GTF2F2: variants seen among roughly 807,000 people sequenced by gnomAD.
GTF2F2 encodes general transcription factor IIF subunit 2.
In GTF2F2, 23 loss-of-function variants were observed where a neutral mutation model predicts 42.2. That is an observed-to-expected ratio of 0.55 (90% CI 0.39 to 0.77). The LOEUF (loss-of-function observed/expected upper bound fraction) is 0.77, where lower values mean the gene tolerates loss of function less well. Ranked by LOEUF, GTF2F2 falls within the 30% of genes least tolerant of loss-of-function variation. The pLI, the probability that GTF2F2 is intolerant of heterozygous loss-of-function variation, is 0.00. For synonymous variants in GTF2F2, 105 were observed against 100.8 expected (o/e 1.04, Z -0.25); for missense variants, 261 against 287.2 (o/e 0.91, Z 0.66).
chr13:45,132,433 G>GGT (rs1555263621), intron 1 of GTF2F2, among the ~76,000 whole-genome samples: 149 of 143,778 alleles, frequency 1.0e-3, no homozygotes, highest in Non-Finnish European at 1.7e-3. Context: ...TGTCATTAGT[G>GGT]TTTTTTTTTT....
At chr13:45,234,295 A>G (rs561622486) in intron 5 of GTF2F2, among the ~76,000 whole-genome samples, 146 of 152,340 alleles carry the variant, frequency 9.6e-4, no homozygotes, top group Non-Finnish European at 1.9e-3. Context: ...TTTTTATAGG[A>G]TATAAAATAA....
chr13:45,246,201 C>T (rs1226757455), intron 5 of GTF2F2, among the ~76,000 whole-genome samples: 9 of 151,446 alleles, frequency 5.9e-5, no homozygotes, highest in Admixed American at 4.6e-4. Context: ...TTAGTAGAGA[C>T]GGGGTTTCAT....
At chr13:45,125,295 G>C (rs971373128) in intron 1 of GTF2F2, among the ~76,000 whole-genome samples, 1 of 151,704 alleles carries the variant, frequency 6.6e-6, no homozygotes, top group Non-Finnish European at 1.5e-5. Context: ...TCCCCTTTGC[G>C]TCTCTCTGTT....
intron 5 of GTF2F2, among the ~76,000 whole-genome samples, chr13:45,224,963 A>G (rs1207240071): frequency 6.6e-6 from 1 of 152,216 alleles, no homozygotes; most frequent in Non-Finnish European, 1.5e-5. Context: ...TAAGAAAGAC[A>G]GGATTTCTGT....
At chr13:45,257,727 A>T (rs1437476465) in intron 6 of GTF2F2, among the ~76,000 whole-genome samples, 4 of 152,178 alleles carry the variant, frequency 2.6e-5, no homozygotes, top group Non-Finnish European at 5.9e-5. Flanking sequence ...TTTGGCACCT[A>T]GTAAAGGAAA....
Position 45,245,395 on chromosome 13 carries a change from T to C in GTF2F2, c.387-7476T>C, listed in dbSNP as rs371537750. On this transcript the variant is annotated intron_variant, in intron 5 of 7. Transcript: ENST00000340473. ...GATTTGTGAGATTTTGATGCACCCA[T>C]CACCCAAATAGTGTACACTGTACCC... is the stretch of plus-strand genomic sequence containing the variant. 5.9e-5 allele frequency among the ~76,000 whole-genome samples: 9 copies of C among 152,078 alleles called. No individual in the cohort carries two copies. The South Asian group carries it at 1.9e-3, about 32-fold the overall frequency.
At chr13:45,216,154 G>A (rs1873878798) in intron 5 of GTF2F2, among the ~76,000 whole-genome samples, 1 of 152,104 alleles carries the variant, frequency 6.6e-6, no homozygotes, top group Non-Finnish European at 1.5e-5. Flanking sequence ...GGAGGTCAAG[G>A]CTGCAGTGAG....
At chr13:45,244,230 C>T (rs1237361079) in intron 5 of GTF2F2, among the ~76,000 whole-genome samples, 8 of 151,948 alleles carry the variant, frequency 5.3e-5, no homozygotes, top group Non-Finnish European at 1.0e-4. Flanking sequence ...GAACTAAGTT[C>T]GTGAAGTTTT....
intron 5 of GTF2F2, among the ~76,000 whole-genome samples, chr13:45,225,068 G>A (rs76477809): frequency 0.012 from 1,901 of 152,292 alleles, 42 homozygotes; most frequent in African/African-American, 0.04. Flanking sequence ...TCCATGGCCT[G>A]GCCCTCAGAG....
intron 5 of GTF2F2, among the ~76,000 whole-genome samples, chr13:45,236,280 A>G (rs775659449): frequency 8.5e-5 from 13 of 152,292 alleles, no homozygotes; most frequent in Non-Finnish European, 1.8e-4. Flanking sequence ...AGGAACCAAA[A>G]GGCAGGAATG....
intron 5 of GTF2F2, among the ~76,000 whole-genome samples, chr13:45,245,586 A>T (rs1464358130): frequency 1.3e-5 from 2 of 150,722 alleles, no homozygotes; most frequent in African/African-American, 4.9e-5. Context: ...ACTTAGAATA[A>T]CGGTCTCCAA....
chr13:45,214,672 A>AT (rs1873819438), intron 5 of GTF2F2, among the ~76,000 whole-genome samples: 1 of 152,204 alleles, frequency 6.6e-6, no homozygotes, highest in South Asian at 2.1e-4. Context: ...TTAATATCAC[A>AT]TCATGTCTTA....
At chr13:45,171,279 A>G (rs928889550) in intron 4 of GTF2F2, among the ~76,000 whole-genome samples, 2 of 151,928 alleles carry the variant, frequency 1.3e-5, no homozygotes, top group Non-Finnish European at 2.9e-5. Context: ...GAGTTTCGCC[A>G]TGTCGGCCAG....
intron 7 of GTF2F2, among the ~76,000 whole-genome samples, chr13:45,272,380 A>G (rs1876828371): frequency 6.7e-6 from 1 of 149,260 alleles, no homozygotes; most frequent in Admixed American, 6.6e-5. Flanking sequence ...TGGAACAGTA[A>G]CATTTTCCCT....
intron 4 of GTF2F2, among the ~76,000 whole-genome samples, chr13:45,165,404 T>C (rs572462125): frequency 1.3e-5 from 2 of 150,778 alleles, no homozygotes; most frequent in Non-Finnish European, 1.5e-5. Context: ...CTCAGCTTAA[T>C]TTAATTCTTT....
At chr13:45,190,015 A>T (rs1041467762) in intron 4 of GTF2F2, among the ~76,000 whole-genome samples, 3 of 152,248 alleles carry the variant, frequency 2.0e-5, no homozygotes, top group Admixed American at 1.3e-4. Flanking sequence ...ATGGGATCTA[A>T]TTAAAGAGCT....
chr13:45,134,250 A>G (rs1869504000), intron 1 of GTF2F2, among the ~76,000 whole-genome samples: 2 of 152,166 alleles, frequency 1.3e-5, no homozygotes, highest in South Asian at 2.1e-4. Flanking sequence ...CCAGTGAAGT[A>G]TCTCATCTCT....
chr13:45,184,531 A>G (rs1343201380), intron 4 of GTF2F2, among the ~76,000 whole-genome samples: 1 of 151,870 alleles, frequency 6.6e-6, no homozygotes, highest in Non-Finnish European at 1.5e-5. Context: ...TGGGATTACC[A>G]TGTGAGCCAC....
intron 6 of GTF2F2, among the ~76,000 whole-genome samples, chr13:45,253,723 A>G (rs868540485): frequency 2.0e-5 from 3 of 152,174 alleles, no homozygotes; most frequent in Non-Finnish European, 4.4e-5. Flanking sequence ...TGTATATGCT[A>G]CCCACCCATT....
Sources: gnomAD v4.1 joint callset for allele counts (sites outside exome capture counted in the v4.1 genomes callset) on GRCh38, gnomAD v4.1.1 for gene constraint, MANE v1.5 for transcripts, NCBI Gene and HGNC (gene_info 2026-07-23, HGNC 2026-07-21) for gene names.